The following SVOP variants were observed in gnomAD, a reference collection of about 807,000 sequenced individuals.
SVOP encodes the protein synaptic vesicle 2-related protein.
In SVOP, 17 loss-of-function variants were observed where a neutral mutation model predicts 69.1. The ratio of observed to expected loss-of-function variants is 0.25; its 90% CI spans 0.17 to 0.37. The LOEUF (loss-of-function observed/expected upper bound fraction) is 0.37. Ranked by LOEUF, SVOP falls within the 10% of genes least tolerant of loss-of-function variation. SVOP has a pLI of 1.00. For missense variants in SVOP, 435 were observed against 597.5 expected (o/e 0.73, Z 2.84); for synonymous variants, 238 against 238.6 (o/e 1.00, Z 0.02).
chr12:108,993,375 C>G (rs1214453930), intron 1 of SVOP, among the ~76,000 whole-genome samples: 1 of 31,036 alleles, frequency 3.2e-5, no homozygotes, highest in African/African-American at 6.0e-5. Context: ...TGTATTTTGC[C>G]TTCAAAAAAA....
chr12:108,935,883 G>T (rs931548325), intron 10 of SVOP, among the ~76,000 whole-genome samples: 3 of 152,082 alleles, frequency 2.0e-5, no homozygotes, highest in African/African-American at 7.2e-5. Flanking sequence ...TTAAGAAAAA[G>T]TCCAACAGGA....
chr12:108,963,250 A>AT (rs1219188576), intron 5 of SVOP, among the ~76,000 whole-genome samples: 2 of 152,034 alleles, frequency 1.3e-5, no homozygotes, highest in African/African-American at 4.8e-5. Context: ...AAACATACTG[A>AT]TTTTTTGCTT....
At chr12:108,966,790 A>G (rs2040048181) in intron 5 of SVOP, among the ~76,000 whole-genome samples, 1 of 152,140 alleles carries the variant, frequency 6.6e-6, no homozygotes, top group African/African-American at 2.4e-5. Flanking sequence ...GGGATGAATG[A>G]ATGTTCAACT....
chr12:108,944,251 C>T (rs2039910057), intron 7 of SVOP, among the ~76,000 whole-genome samples: 1 of 151,716 alleles, frequency 6.6e-6, no homozygotes, highest in Admixed American at 6.6e-5. Context: ...GATCACAGCT[C>T]ACTGCAGCCT....
intron 11 of SVOP, among the ~76,000 whole-genome samples, chr12:108,931,033 T>C (rs571018732): frequency 6.6e-6 from 1 of 152,296 alleles, no homozygotes; most frequent in South Asian, 2.1e-4. Context: ...CCTGAATCCT[T>C]AGTTTAAGCA....
intron 1 of SVOP, among the ~76,000 whole-genome samples, chr12:109,006,845 G>T (rs1029003827): frequency 3.9e-5 from 6 of 152,106 alleles, no homozygotes; most frequent in Non-Finnish European, 7.4e-5. Flanking sequence ...CTCTGAGAGG[G>T]GCAAGTCCCT....
At chr12:108,913,800 C>T (rs1404171844) in intron 15 of SVOP, among the ~76,000 whole-genome samples, 1 of 152,174 alleles carries the variant, frequency 6.6e-6, no homozygotes, top group Non-Finnish European at 1.5e-5. Flanking sequence ...AGGCATATGC[C>T]ACCATGCCTG....
intron 8 of SVOP, among the ~76,000 whole-genome samples, chr12:108,939,472 G>A (rs1400938726): frequency 6.6e-6 from 1 of 152,174 alleles, no homozygotes; most frequent in African/African-American, 2.4e-5. Flanking sequence ...TTAGGCCAAT[G>A]GAAGTCCCAA....
chr12:108,915,544 T>C (rs2039708222), intron 15 of SVOP, among the ~76,000 whole-genome samples: 1 of 152,224 alleles, frequency 6.6e-6, no homozygotes. Flanking sequence ...AGGGAAGACC[T>C]GGGTTTGACT....
At chr12:108,962,963 TCAAAACAAAA>T (rs997900078) in intron 5 of SVOP, among the ~76,000 whole-genome samples, 8 of 151,626 alleles carry the variant, frequency 5.3e-5, no homozygotes, top group South Asian at 4.2e-4. Flanking sequence ...AGACTCTATC[TCAAAACAAAA>T]CAAAACAAAA....
intron 6 of SVOP, among the ~76,000 whole-genome samples, chr12:108,956,207 C>G (rs1231699508): frequency 6.6e-6 from 1 of 150,796 alleles, no homozygotes; most frequent in Non-Finnish European, 1.5e-5. Flanking sequence ...GAGGCTGAGG[C>G]AGGAGAATGG....
At chr12:108,959,366 TTTTTTGAGTCAGAG>T (rs1211549426) in intron 6 of SVOP, among the ~76,000 whole-genome samples, 1 of 150,090 alleles carries the variant, frequency 6.7e-6, no homozygotes, top group Non-Finnish European at 1.5e-5. Context: ...TTTTTTTTTT[TTTTTTGAGTCAGAG>T]TCTCACTCTG....
rs765961567 is a variant in SVOP, at chr12:108,934,209, C to A, written c.1034G>T (p.Gly345Val). 14 of 1,604,512 alleles carry A rather than the reference C, an allele frequency of 8.7e-6. No homozygotes were observed. The East Asian group carries it at 2.7e-4, about 31-fold the overall frequency. ...AAGATACTCACTGCCGCAGACATCT[C>A]CTGCCTGGAAGAGTTCTGTGGTGAG... Reference protein sequence around the residue: ...VLLTTELFQAGDVCGISSRKK... With the variant: ...VLLTTELFQAVDVCGISSRKK... Residue 345 changes from glycine (G) to valine (V), a missense_variant, in exon 11 of 16, where the codon GGA becomes GTA. By Grantham distance (109) the Gly-to-Val change is moderately radical. Transcript: ENST00000610966.
At chr12:109,008,735 C>T (rs1186838227) in intron 1 of SVOP, among the ~76,000 whole-genome samples, 1 of 151,926 alleles carries the variant, frequency 6.6e-6, no homozygotes. Context: ...AAAACTGAGG[C>T]CTAAAGAAAA....
Position 108,941,057 on chromosome 12 carries a change from A to G in SVOP, c.643-148T>C, listed in dbSNP as rs1362861384. 2.5e-6 allele frequency: 3 copies of G among 1,221,534 alleles called. No homozygotes were observed. The South Asian group carries it at 4.8e-5, about 19-fold the overall frequency. 75.7% of individuals were successfully genotyped at this position (1,221,534 alleles called of 1,614,324 possible). Reference sequence around the variant, plus strand: ...AATAGCCACACTTTCCCTGTGGTCTATATGGTTGGGCCAGGGCTGCCATGT... The same window carrying G: ...AATAGCCACACTTTCCCTGTGGTCTGTATGGTTGGGCCAGGGCTGCCATGT... On this transcript the variant is annotated intron_variant, in intron 7 of 15. Coordinates refer to ENST00000610966, the MANE Select transcript of SVOP (RefSeq NM_018711.5).
chr12:108,997,149 G>C (rs1176070252), intron 1 of SVOP, among the ~76,000 whole-genome samples: 1 of 152,236 alleles, frequency 6.6e-6, no homozygotes, highest in Admixed American at 6.5e-5. Context: ...CCTCACTTGG[G>C]AAGCGCAAGG....
At chr12:108,988,770 C>CTT (rs758822738) in intron 1 of SVOP, among the ~76,000 whole-genome samples, 3,793 of 92,138 alleles carry the variant, frequency 0.041, 280 homozygotes, top group African/African-American at 0.078. Context: ...TCTTTTCTCT[C>CTT]TTTTTTTTTT....
chr12:109,015,893 A>G (rs2040365512), intron 1 of SVOP, among the ~76,000 whole-genome samples: 1 of 152,146 alleles, frequency 6.6e-6, no homozygotes, highest in African/African-American at 2.4e-5. Context: ...GTTGTTATCA[A>G]CTGAGATGGG....
At chr12:109,002,200 T>A (rs1396983362) in intron 1 of SVOP, among the ~76,000 whole-genome samples, 1 of 50,362 alleles carries the variant, frequency 2.0e-5, no homozygotes, top group Non-Finnish European at 4.4e-5. Context: ...AAAAAACACA[T>A]GAAAAAATGC....
Sources: allele counts gnomAD v4.1 joint callset (sites outside exome capture counted in the v4.1 genomes callset), GRCh38; gene constraint gnomAD v4.1.1; transcripts MANE v1.5; gene names NCBI Gene and HGNC (gene_info 2026-07-23, HGNC 2026-07-21).